Variants in JAZF1 observed in about 807,000 individuals in gnomAD.
The protein encoded by JAZF1 is juxtaposed with another zinc finger protein 1.
A neutral mutation model predicts 26.4 loss-of-function variants in JAZF1; 8 were observed. That is an observed-to-expected ratio of 0.30 (90% confidence interval 0.18 to 0.55). The LOEUF (loss-of-function observed/expected upper bound fraction) is 0.55, where lower values mean the gene tolerates loss of function less well. Among genes scored for constraint, JAZF1 ranks in the 20% least tolerant of loss-of-function variants. JAZF1 has a pLI of 0.94. For missense variants in JAZF1, 199 were observed against 322.0 expected (o/e 0.62, Z 2.92); for synonymous variants, 126 against 122.3 (o/e 1.03, Z -0.20).
chr7:28,124,485 T>C (rs1782665843), intron 1 of JAZF1, among the ~76,000 whole-genome samples: 1 of 152,302 alleles, frequency 6.6e-6, no homozygotes, highest in African/African-American at 2.4e-5. Flanking sequence ...CTGGGTGTCA[T>C]CTTCTCCCCA....
At chr7:27,870,916 T>C (rs901793199) in intron 3 of JAZF1, among the ~76,000 whole-genome samples, 1 of 152,208 alleles carries the variant, frequency 6.6e-6, no homozygotes, top group Non-Finnish European at 1.5e-5. Flanking sequence ...GAGGTTCGAA[T>C]AGGGAGTGCT....
chr7:28,063,396 C>T (rs1783830026), intron 1 of JAZF1, among the ~76,000 whole-genome samples: 2 of 152,088 alleles, frequency 1.3e-5, no homozygotes, highest in Non-Finnish European at 2.9e-5. Context: ...ATGAATGAGG[C>T]ATCCTCACTT....
intron 2 of JAZF1, among the ~76,000 whole-genome samples, chr7:27,952,245 G>C (rs1054454124): frequency 2.0e-5 from 3 of 152,226 alleles, no homozygotes; most frequent in African/African-American, 7.2e-5. Flanking sequence ...ACCTAGCACA[G>C]AAGGGGTAAT....
intron 2 of JAZF1, among the ~76,000 whole-genome samples, chr7:27,904,591 C>T (rs1784218228): frequency 6.6e-6 from 1 of 152,056 alleles, no homozygotes; most frequent in African/African-American, 2.4e-5. Flanking sequence ...ACTTCTTATC[C>T]CAGAGTTATT....
At position 27,957,139 on chromosome 7, in the gene JAZF1, G is replaced by A. The variant is rs186733011; in HGVS notation, c.188+34770C>T. The stretch of plus-strand genomic sequence containing the variant: ...AGGAATCATCTTTGGTTCTCTTCCG[G>A]GTAAGTGAACTGAATTTAAATCCTC... On this transcript the variant is annotated intron_variant, in intron 2 of 4. Transcript: ENST00000283928. Among the ~76,000 whole-genome samples, 424 of 150,916 alleles carry A rather than the reference G, an allele frequency of 2.8e-3. 2 individuals carry two copies. The highest frequency in any genetic ancestry group is 0.01 in the Middle Eastern group (3 of 294).
rs373543567 is a variant in JAZF1 at position 27,987,714 on chromosome 7, G to A, written c.188+4195C>T. The stretch of plus-strand genomic sequence containing the variant: ...GTGTACCCAACAGCTCATTGAGAAC[G>A]GGCCATGATGACGATGGCGGTTTTG... On this transcript the variant is annotated intron_variant, in intron 2 of 4. Coordinates refer to ENST00000283928, the MANE Select transcript of JAZF1 (RefSeq NM_175061.4). 8.5e-3 allele frequency among the ~76,000 whole-genome samples: 1,302 copies of A among 152,374 alleles called. 10 individuals are homozygous for A. The highest frequency in any genetic ancestry group is 0.017 in the South Asian group (82 of 4,830).
Position 27,831,001 on chromosome 7 carries a change from T to A in JAZF1, c.*1799A>T, listed in dbSNP as rs571310555. The A allele has an allele frequency of 7.4e-5, 16 of 215,048 alleles. No homozygotes were observed. Among genetic ancestry groups the A allele is most frequent in the African/African-American group, 2.0e-4 (9 of 44,448 alleles). The allele number at this position is 215,048 out of a possible 1,614,324, so 13.3% of individuals were successfully genotyped here. ...AAATAATAATTGCTGGCCTAAAAAA[T>A]TTTTTTTGGTCAATTGTAGGTAGAT... On this transcript the variant is annotated 3_prime_UTR_variant, in exon 5 of 5. Coordinates refer to ENST00000283928, the MANE Select transcript of JAZF1 (RefSeq NM_175061.4).
At chr7:27,948,457 C>T (rs1784954406) in intron 2 of JAZF1, among the ~76,000 whole-genome samples, 1 of 152,042 alleles carries the variant, frequency 6.6e-6, no homozygotes, top group South Asian at 2.1e-4. Flanking sequence ...TATTTTTTTT[C>T]TGCATCCCCT....
intron 1 of JAZF1, among the ~76,000 whole-genome samples, chr7:28,060,988 A>G (rs563126045): frequency 2.0e-5 from 3 of 152,340 alleles, no homozygotes; most frequent in African/African-American, 7.2e-5. Flanking sequence ...AATGGTTCAG[A>G]ATGAGAGCTT....
Position 28,180,616 on chromosome 7 carries a change from AGC to A in JAZF1, c.-41_-40del. The A allele has an allele frequency of 1.5e-6, 2 of 1,372,592 alleles. No individual in the cohort carries two copies. Among genetic ancestry groups the A allele is most frequent in the Non-Finnish European group, 2.0e-6 (2 of 1,014,246 alleles). 85.0% of individuals were successfully genotyped at this position (1,372,592 alleles called of 1,614,324 possible). ...GAGCCCCCCTGGTGTCGGCTCTGCG[AGC>A]GCCGGGCGGGCGAGGGAGGGAGGGA... On this transcript the variant is annotated 5_prime_UTR_variant, in exon 1 of 5. Coordinates refer to ENST00000283928, the MANE Select transcript of JAZF1 (RefSeq NM_175061.4).
At chr7:27,893,415 G>C (rs1784006901) in intron 3 of JAZF1, among the ~76,000 whole-genome samples, 1 of 152,138 alleles carries the variant, frequency 6.6e-6, no homozygotes, top group African/African-American at 2.4e-5. Context: ...TTTTGAATAA[G>C]ACCCCCAGTG....
rs371483945 is a variant in JAZF1, at chr7:28,020,456, C to T, written c.116-28475G>A. The T allele has an allele frequency of 2.2e-4, 88 of 393,742 alleles. 1 individual carries two copies. The East Asian group carries it at 2.4e-3, about 11-fold the overall frequency. 24.4% of individuals were successfully genotyped at this position (393,742 alleles called of 1,614,324 possible). A position where few individuals can be genotyped will look rare whatever the true frequency, so the allele number is the denominator to read the frequency against. ...CAAACGAGGAGAGCCAGCGCCTCCA[C>T]GGTGCCTTCTCCTCCTGGAAGCAGG... On this transcript the variant is annotated intron_variant, in intron 1 of 4. Coordinates refer to ENST00000283928, the MANE Select transcript of JAZF1 (RefSeq NM_175061.4).
At chr7:28,076,991 G>A (rs1024386469) in intron 1 of JAZF1, among the ~76,000 whole-genome samples, 3 of 151,950 alleles carry the variant, frequency 2.0e-5, no homozygotes, top group African/African-American at 4.8e-5. Flanking sequence ...TTTAAAGCCC[G>A]AAACCCAGCT....
At chr7:28,080,421 T>C (rs931123830) in intron 1 of JAZF1, among the ~76,000 whole-genome samples, 2 of 152,254 alleles carry the variant, frequency 1.3e-5, no homozygotes, top group African/African-American at 4.8e-5. Context: ...AGTAACACTT[T>C]TAATTTCCCT....
At chr7:27,944,419 T>C (rs939583227) in intron 2 of JAZF1, among the ~76,000 whole-genome samples, 4 of 152,232 alleles carry the variant, frequency 2.6e-5, no homozygotes, top group African/African-American at 7.2e-5. Flanking sequence ...TTTTGAAGAA[T>C]ATGCTTGTTG....
intron 3 of JAZF1, among the ~76,000 whole-genome samples, chr7:27,848,115 G>C (rs1562763537): frequency 6.6e-6 from 1 of 152,214 alleles, no homozygotes; most frequent in South Asian, 2.1e-4. Context: ...TTAGGATTCT[G>C]ATAGGGATTG....
chr7:28,085,422 T>C (rs2127918467), intron 1 of JAZF1, among the ~76,000 whole-genome samples: 1 of 152,324 alleles, frequency 6.6e-6, no homozygotes, highest in Middle Eastern at 3.4e-3. Context: ...TTAAAATGTT[T>C]CTCTTTAAAG....
chr7:28,082,186 C>A (rs996461371), intron 1 of JAZF1, among the ~76,000 whole-genome samples: 4 of 152,098 alleles, frequency 2.6e-5, no homozygotes, highest in Non-Finnish European at 5.9e-5. Flanking sequence ...TGAAGTAAGA[C>A]CTGGTAGAAT....
intron 2 of JAZF1, among the ~76,000 whole-genome samples, chr7:27,957,897 T>C (rs1255051197): frequency 6.6e-6 from 1 of 152,174 alleles, no homozygotes; most frequent in Non-Finnish European, 1.5e-5. Context: ...GTAAAACACA[T>C]ATCTAACGTG....
Sources: gnomAD v4.1 joint callset for allele counts (sites outside exome capture counted in the v4.1 genomes callset) on GRCh38, gnomAD v4.1.1 for gene constraint, MANE v1.5 for transcripts, NCBI Gene and HGNC (gene_info 2026-07-23, HGNC 2026-07-21) for gene names.